DIP2B: variants seen among roughly 807,000 people sequenced by gnomAD.
DIP2B encodes the protein disco-interacting protein 2 homolog B.
A neutral mutation model predicts 198.0 loss-of-function variants in DIP2B; 76 were observed. That is an observed-to-expected ratio of 0.38 (90% CI 0.32 to 0.46). The LOEUF (loss-of-function observed/expected upper bound fraction) is 0.46. DIP2B is among the 20% of genes least tolerant of loss of function. The pLI, the probability that DIP2B is intolerant of heterozygous loss-of-function variation, is 0.99. For missense variants in DIP2B, 1,559 were observed against 1,978.4 expected (o/e 0.79, Z 4.02); for synonymous variants, 701 against 739.1 (o/e 0.95, Z 0.84).
chr12:50,526,567 C>T, intron 1 of DIP2B, among the ~76,000 whole-genome samples: 1 of 150,052 alleles, frequency 6.7e-6, no homozygotes. Flanking sequence ...GAACAGGAGG[C>T]AGACACTTCT....
chr12:50,530,766 T>C (rs548442243), intron 1 of DIP2B, among the ~76,000 whole-genome samples: 13 of 152,132 alleles, frequency 8.5e-5, no homozygotes, highest in Non-Finnish European at 1.8e-4. Flanking sequence ...AAAGGCGGAC[T>C]GGTAAGTTTC....
At chr12:50,625,932 A>T in intron 1 of DIP2B, 44 bp from the exon 2 acceptor site, 1 of 1,584,830 alleles carries the variant, frequency 6.3e-7, no homozygotes. Context: ...AAAACCACAG[A>T]GTAAGAATAA....
At chr12:50,714,665 A>T in intron 23 of DIP2B, 69 bp downstream of exon 23, 1 of 1,569,830 alleles carries the variant, frequency 6.4e-7, no homozygotes, top group African/African-American at 1.4e-5. Flanking sequence ...TCTCAGTGTG[A>T]TTCTTTCTCT....
chr12:50,541,442 A>G (rs1958325108), intron 1 of DIP2B, among the ~76,000 whole-genome samples: 1 of 151,202 alleles, frequency 6.6e-6, no homozygotes, highest in South Asian at 2.1e-4. Context: ...GTCACCATCA[A>G]CTTCTGTTGG....
intron 1 of DIP2B, among the ~76,000 whole-genome samples, chr12:50,548,293 A>G (rs1233197801): frequency 1.3e-5 from 2 of 152,162 alleles, no homozygotes; most frequent in East Asian, 1.9e-4. Context: ...AGAAAAAACT[A>G]AAAATTAATG....
chr12:50,693,284 G>A (rs1939251941), intron 14 of DIP2B, among the ~76,000 whole-genome samples: 1 of 152,232 alleles, frequency 6.6e-6, no homozygotes, highest in Admixed American at 6.5e-5. Flanking sequence ...ATGGGTGTTA[G>A]AAAAAGGTGA....
chr12:50,721,850 G>A (rs1939841994), intron 26 of DIP2B, among the ~76,000 whole-genome samples: 1 of 152,178 alleles, frequency 6.6e-6, no homozygotes, highest in Non-Finnish European at 1.5e-5. Flanking sequence ...ACCAGGAACG[G>A]TTAACTAGGA....
intron 23 of DIP2B, among the ~76,000 whole-genome samples, chr12:50,716,809 G>A (rs372552239): frequency 6.6e-6 from 1 of 152,068 alleles, no homozygotes; most frequent in Non-Finnish European, 1.5e-5. Flanking sequence ...CCGTGAGGCG[G>A]ATGACCATGA....
chr12:50,717,856 G>A lies in DIP2B; in HGVS notation c.2852-853G>A, dbSNP rs377049008. The stretch of plus-strand genomic sequence containing the variant: ...GTCCGCCTCGGCCTCCTAAAGTGCT[G>A]TGATTACAGGCATGAGCCACCGTTC... On this transcript the variant is annotated intron_variant, in intron 23 of 37. Transcript: ENST00000301180. 3.3e-5 allele frequency among the ~76,000 whole-genome samples: 5 copies of A among 149,646 alleles called. No individual in the cohort carries two copies. The South Asian group carries it at 8.4e-4, about 25-fold the overall frequency.
At chr12:50,734,572 T>C (rs996344288) in intron 33 of DIP2B, among the ~76,000 whole-genome samples, 14 of 152,158 alleles carry the variant, frequency 9.2e-5, no homozygotes, top group African/African-American at 2.7e-4. Context: ...CTGAGCCCCA[T>C]GGGTAAAAGC....
chr12:50,691,971 G>C (rs959977245), intron 13 of DIP2B, among the ~76,000 whole-genome samples: 5 of 151,866 alleles, frequency 3.3e-5, no homozygotes, highest in African/African-American at 1.2e-4. Context: ...AGGCTGAGGC[G>C]GGAGAATCAC....
rs76646033 is a variant in DIP2B, at chr12:50,678,648, C to T, written c.917-31C>T. ...AGTTGTGTTCATTGGTATTTGTACT[C>T]ATTTCACTCATTGGGATTTTCCTGG... On this transcript the variant is annotated intron_variant, in intron 7 of 37. Coordinates refer to ENST00000301180, the MANE Select transcript of DIP2B (RefSeq NM_173602.3). 9.9e-4 allele frequency: 1,579 copies of T among 1,601,764 alleles called. 6 individuals are homozygous for T. The African/African-American group carries it at 0.019, about 20-fold the overall frequency.
intron 26 of DIP2B, among the ~76,000 whole-genome samples, chr12:50,721,835 C>T (rs1007514373): frequency 6.6e-6 from 1 of 152,118 alleles, no homozygotes; most frequent in African/African-American, 2.4e-5. Context: ...GGAATAACTG[C>T]AGAAACCAGG....
intron 1 of DIP2B, among the ~76,000 whole-genome samples, chr12:50,600,936 C>G (rs934133002): frequency 1.4e-5 from 2 of 144,974 alleles, no homozygotes; most frequent in Non-Finnish European, 3.0e-5. Flanking sequence ...ACCACCACCA[C>G]CACTACCACC....
At chr12:50,552,845 A>G (rs1958438523) in intron 1 of DIP2B, among the ~76,000 whole-genome samples, 1 of 151,848 alleles carries the variant, frequency 6.6e-6, no homozygotes, top group Non-Finnish European at 1.5e-5. Flanking sequence ...TCTTTAATCT[A>G]TTTTGAGTTA....
intron 1 of DIP2B, among the ~76,000 whole-genome samples, chr12:50,543,983 GC>G (rs1427748141): frequency 6.7e-6 from 1 of 148,186 alleles, no homozygotes; most frequent in East Asian, 2.0e-4. Flanking sequence ...TAATTCCAGC[GC>G]TTTGGGAGGA....
chr12:50,716,958 C>CTTTTTTTTTTTTTTTTTGTTTTTTTTTTT (rs1939733059), intron 23 of DIP2B, among the ~76,000 whole-genome samples: 1 of 58,924 alleles, frequency 1.7e-5, no homozygotes. Flanking sequence ...CGAATTGTTG[C>CTTTTTTTTTTTTTTTTTGTTTTTTTTTTT]TTTTTTTTTT....
rs745496037 is a variant in DIP2B, at chr12:50,706,567, G to T, written c.2436G>T (p.Met812Ile). 6 of 1,613,926 alleles carry T rather than the reference G, an allele frequency of 3.7e-6. No homozygotes were observed. The highest frequency in any genetic ancestry group is 1.7e-5 in the Admixed American group (1 of 59,998). Residue 812 changes from methionine to isoleucine, a missense_variant, in exon 21 of 38, where the codon ATG (methionine) becomes ATT (isoleucine). Transcript: ENST00000301180. ...GTTTGGTGTTCGTGGTTGGGAAAAT[G>T]GATGGCTTACTGATGGTTAGTGGTC... ...PGSLVFVVGK[M>I]DGLLMVSGRR...
chr12:50,507,278 G>A (rs1372319624), intron 1 of DIP2B, among the ~76,000 whole-genome samples: 1 of 152,168 alleles, frequency 6.6e-6, no homozygotes, highest in Non-Finnish European at 1.5e-5. Flanking sequence ...TGGATGACTG[G>A]AAAAAATACA....
Sources: gnomAD v4.1 joint callset for allele counts (sites outside exome capture counted in the v4.1 genomes callset) on GRCh38, gnomAD v4.1.1 for gene constraint, MANE v1.5 for transcripts, NCBI Gene and HGNC (gene_info 2026-07-23, HGNC 2026-07-21) for gene names.